AP1S3: variants seen among roughly 807,000 people sequenced by gnomAD.
AP1S3 encodes the protein adaptor related protein complex 1 subunit sigma 3.
Under a neutral mutation model 20.9 loss-of-function variants are expected in AP1S3, and 10 were observed. The observed-to-expected ratio is 0.48, with a 90% CI of 0.29 to 0.81. The LOEUF is 0.81. Ranked by LOEUF, AP1S3 falls within the 30% of genes least tolerant of loss-of-function variation. The pLI, the probability that AP1S3 is intolerant of heterozygous loss-of-function variation, is 0.08. For missense variants in AP1S3, 154 were observed against 183.8 expected (o/e 0.84, Z 0.94); for synonymous variants, 41 against 61.5 (o/e 0.67, Z 1.56).
At chr2:223,801,561 C>T (rs1233786609) in intron 1 of AP1S3, among the ~76,000 whole-genome samples, 1 of 152,174 alleles carries the variant, frequency 6.6e-6, no homozygotes, top group Non-Finnish European at 1.5e-5. Flanking sequence ...TCTCGTGCCT[C>T]AGCCTCCCGT....
chr2:223,817,620 A>G (rs994062974), intron 1 of AP1S3, among the ~76,000 whole-genome samples: 31 of 141,970 alleles, frequency 2.2e-4, no homozygotes, highest in African/African-American at 2.9e-4. Flanking sequence ...AAAAAAAAAA[A>G]AAAAGAAAAG....
chr2:223,806,526 T>C (rs1457605209), intron 1 of AP1S3, among the ~76,000 whole-genome samples: 2 of 152,048 alleles, frequency 1.3e-5, no homozygotes, highest in Non-Finnish European at 2.9e-5. Flanking sequence ...CCTCGTGATC[T>C]GCCCACCTCA....
At chr2:223,777,569 C>G (rs571607821) in intron 2 of AP1S3, 122 bp downstream of exon 2, 1 of 851,346 alleles carries the variant, frequency 1.2e-6, no homozygotes, top group Non-Finnish European at 1.8e-6. Context: ...GTACAAATAT[C>G]TGGGCCCCAG....
chr2:223,770,239 C>G (rs909340963), intron 3 of AP1S3: 3 of 1,550,792 alleles, frequency 1.9e-6, no homozygotes. Context: ...TAGTAGCAAG[C>G]TGAGGAACCT....
chr2:223,803,894 A>T (rs1003792224), intron 1 of AP1S3, among the ~76,000 whole-genome samples: 3 of 152,088 alleles, frequency 2.0e-5, no homozygotes, highest in Admixed American at 6.6e-5. Context: ...AAAAAAAAAA[A>T]AAATAGATGA....
At chr2:223,815,742 T>C (rs1347312008) in intron 1 of AP1S3, among the ~76,000 whole-genome samples, 1 of 152,220 alleles carries the variant, frequency 6.6e-6, no homozygotes, top group East Asian at 1.9e-4. Flanking sequence ...CAGCAATAGA[T>C]TCTTGAAAAC....
At chr2:223,821,156 A>T (rs971434594) in intron 1 of AP1S3, among the ~76,000 whole-genome samples, 2 of 151,926 alleles carry the variant, frequency 1.3e-5, no homozygotes, top group African/African-American at 4.8e-5. Flanking sequence ...CTATCTATTT[A>T]TCTATCTATC....
In AP1S3 at chr2:223,775,891, C is replaced by T. The variant is rs757372753; in HGVS notation, c.291+10G>A. 2.0e-5 allele frequency: 32 copies of T among 1,609,736 alleles called. No homozygotes were observed. The highest frequency in any genetic ancestry group is 2.5e-5 in the Non-Finnish European group (30 of 1,176,542). ...TGTAGCTAATCCTAACCGACAAGGA[C>T]AACACTTACATTTCCAAAATATTTG... On this transcript the variant is annotated intron_variant, in intron 3 of 4. Coordinates refer to ENST00000396654, the MANE Select transcript of AP1S3 (RefSeq NM_001039569.2).
At chr2:223,836,992 G>A (rs1692416786) in intron 1 of AP1S3, among the ~76,000 whole-genome samples, 2 of 151,992 alleles carry the variant, frequency 1.3e-5, no homozygotes, top group Admixed American at 1.3e-4. Context: ...ATCAAAAGTT[G>A]CCACTCCACC....
At chr2:223,774,493 T>C (rs1406096517) in intron 3 of AP1S3, among the ~76,000 whole-genome samples, 1 of 152,128 alleles carries the variant, frequency 6.6e-6, no homozygotes, top group Non-Finnish European at 1.5e-5. Flanking sequence ...GGGTTGATTT[T>C]ATTTATTGTA....
At chr2:223,829,315 G>C (rs1360003588) in intron 1 of AP1S3, among the ~76,000 whole-genome samples, 2 of 152,128 alleles carry the variant, frequency 1.3e-5, no homozygotes, top group African/African-American at 4.8e-5. Context: ...GCCTGTTGTT[G>C]TAAATAAAGT....
At chr2:223,816,932 A>AGCCTAGCCATATTGAAACCC (rs1229592086) in intron 1 of AP1S3, among the ~76,000 whole-genome samples, 1 of 152,130 alleles carries the variant, frequency 6.6e-6, no homozygotes, top group Non-Finnish European at 1.5e-5. Flanking sequence ...GTTCGAAACC[A>AGCCTAGCCATATTGAAACCC]GCCTAGCCAT....
chr2:223,793,256 TAA>T (rs2106104813), intron 1 of AP1S3, among the ~76,000 whole-genome samples: 1 of 152,298 alleles, frequency 6.6e-6, no homozygotes, highest in East Asian at 1.9e-4. Flanking sequence ...CATTCTATTA[TAA>T]AGACACATGC....
At chr2:223,773,222 T>TA in intron 3 of AP1S3, 1 of 1,207,486 alleles carries the variant, frequency 8.3e-7, no homozygotes, top group Non-Finnish European at 1.1e-6. Context: ...CAATTCACAT[T>TA]ATCACAGTTG....
chr2:223,756,599 T>A lies in AP1S3; in HGVS notation c.*2116A>T, dbSNP rs1238687914. 70 of 985,240 alleles carry A rather than the reference T, an allele frequency of 7.1e-5. No individual in the cohort carries two copies. The highest frequency in any genetic ancestry group is 8.3e-5 in the Non-Finnish European group (69 of 829,878). The allele number at this position is 985,240 out of a possible 1,614,324, so 61.0% of individuals were successfully genotyped here. On this transcript the variant is annotated 3_prime_UTR_variant, in exon 5 of 5. Transcript: ENST00000396654. ...ATAAACTTCAAGCTGATGCCATAAT[T>A]GTAATTACATGGTAACCTGAAGAAA... is the stretch of plus-strand genomic sequence containing the variant.
chr2:223,820,168 GT>G (rs35367047), intron 1 of AP1S3, among the ~76,000 whole-genome samples: 48,886 of 151,730 alleles, frequency 0.32, 8,283 homozygotes, highest in Middle Eastern at 0.43. Flanking sequence ...CTTTTAAAAG[GT>G]TTTTTTTCTC....
chr2:223,759,850 T>C (rs1220243177), intron 4 of AP1S3, among the ~76,000 whole-genome samples: 1 of 152,128 alleles, frequency 6.6e-6, no homozygotes, highest in Non-Finnish European at 1.5e-5. Context: ...GCTCCCACTT[T>C]TAAGTGAGAA....
chr2:223,816,482 T>C (rs1468318221), intron 1 of AP1S3, among the ~76,000 whole-genome samples: 1 of 152,192 alleles, frequency 6.6e-6, no homozygotes, highest in Admixed American at 6.5e-5. Flanking sequence ...GCCACAAACC[T>C]TAACAATCAC....
chr2:223,836,998 C>T (rs1174643026), intron 1 of AP1S3, among the ~76,000 whole-genome samples: 6 of 152,084 alleles, frequency 3.9e-5, no homozygotes, highest in African/African-American at 1.2e-4. Flanking sequence ...AGTTGCCACT[C>T]CACCCGGTTG....
Sources: gnomAD v4.1 joint callset for allele counts (sites outside exome capture counted in the v4.1 genomes callset) on GRCh38, gnomAD v4.1.1 for gene constraint, MANE v1.5 for transcripts, NCBI Gene and HGNC (gene_info 2026-07-23, HGNC 2026-07-21) for gene names.